The following C12orf50 variants were observed in gnomAD, a reference collection of about 807,000 sequenced individuals.
C12orf50 encodes uncharacterized protein C12orf50.
A neutral mutation model predicts 61.6 loss-of-function variants in C12orf50; 35 were observed. The observed-to-expected ratio is 0.57, with a 90% confidence interval of 0.43 to 0.75. The LOEUF is 0.75. C12orf50 is among the 30% of genes least tolerant of loss of function. The pLI is 0.00. For missense variants in C12orf50, 475 were observed against 488.5 expected (o/e 0.97, Z 0.26); for synonymous variants, 178 against 161.5 (o/e 1.10, Z -0.77).
intron 3 of C12orf50, 150 bp downstream of exon 3, chr12:88,026,338 T>C: frequency 1.2e-6 from 1 of 852,966 alleles, no homozygotes; most frequent in East Asian, 2.8e-5. Flanking sequence ...AAGCTTTCTC[T>C]TGTCTCATGT....
At chr12:87,994,159 C>A (rs910358257) in intron 7 of C12orf50, among the ~76,000 whole-genome samples, 2 of 151,938 alleles carry the variant, frequency 1.3e-5, no homozygotes, top group East Asian at 3.9e-4. Flanking sequence ...GAGATCGCAC[C>A]ACTGCACTCC....
At chr12:88,027,395 C>A (rs1305446049) in intron 1 of C12orf50, among the ~76,000 whole-genome samples, 1 of 152,134 alleles carries the variant, frequency 6.6e-6, no homozygotes, top group Non-Finnish European at 1.5e-5. Context: ...AATTCAATGA[C>A]AGAACAACTT....
chr12:88,006,524 G>A (rs10858680), intron 3 of C12orf50, among the ~76,000 whole-genome samples: 25,165 of 152,128 alleles, frequency 0.17, 3,471 homozygotes, highest in African/African-American at 0.38. Flanking sequence ...TTTTAAAATT[G>A]GGGCACAAAG....
chr12:88,018,513 C>A (rs1382983607), intron 3 of C12orf50, among the ~76,000 whole-genome samples: 1 of 152,198 alleles, frequency 6.6e-6, no homozygotes. Flanking sequence ...TACACAAAGT[C>A]CCTACTGGAG....
rs557469013 is a variant in C12orf50, at chr12:88,006,790, G to A, written c.134-8600C>T. ...TTTCTCCCCCCAGAAAGGTACTATA[G>A]TTCTTGACTGGAAGCTGGACGTAGA... On this transcript the variant is annotated intron_variant, in intron 3 of 12. Coordinates refer to ENST00000298699, the MANE Select transcript of C12orf50 (RefSeq NM_152589.3). 2.4e-3 allele frequency among the ~76,000 whole-genome samples: 360 copies of A among 152,316 alleles called. 1 individual carries two copies. Among genetic ancestry groups the A allele is most frequent in the Non-Finnish European group, 4.4e-3 (297 of 68,024 alleles).
rs189844865 is a variant in C12orf50 at position 88,003,776 on chromosome 12, C to G, written c.134-5586G>C. On this transcript the variant is annotated intron_variant, in intron 3 of 12. Coordinates refer to ENST00000298699, the MANE Select transcript of C12orf50 (RefSeq NM_152589.3). ...ATTTATCTTTTTTCATATGATGTGT[C>G]TGGCTGCAGGTATATTTGTGTATAT... Among the ~76,000 whole-genome samples the G allele has an allele frequency of 2.3e-3, 344 of 152,100 alleles. 2 individuals are homozygous for G. The highest frequency in any genetic ancestry group is 3.6e-3 in the Non-Finnish European group (244 of 67,930).
chr12:88,014,500 C>T lies in C12orf50; in HGVS notation c.133+11988G>A, dbSNP rs1457798953. On this transcript the variant is annotated intron_variant, in intron 3 of 12. Transcript: ENST00000298699. ...TATTTTTAGTAGAGACGGGTTTCACCGTATGAGCCAGGATGGTCTCGATCT... is the reference window on the plus strand; with the variant it reads ...TATTTTTAGTAGAGACGGGTTTCACTGTATGAGCCAGGATGGTCTCGATCT... Among the ~76,000 whole-genome samples the T allele has an allele frequency of 4.6e-5, 7 of 152,174 alleles. No individual in the cohort carries two copies. The South Asian group carries it at 8.3e-4, about 18-fold the overall frequency.
At position 87,996,596 on chromosome 12, in the gene C12orf50, C is replaced by T. The variant is rs1268285762; in HGVS notation, c.340G>A (p.Ala114Thr). 6.2e-7 allele frequency: 1 copy of T among 1,609,692 alleles called. No homozygotes were observed. Among genetic ancestry groups the T allele is most frequent in the African/African-American group, 1.3e-5 (1 of 74,902 alleles). ...GATTTATAACACATCTCCTTTATTG[C>T]TCTTTTTTCTTCAATTTCTTCAGGG... ...KTPEEIEEKRAIKEMCYKSGE... is the reference protein window; with the variant it reads ...KTPEEIEEKRTIKEMCYKSGE... The change falls in exon 5 of 13, where the codon GCA becomes ACA. Residue 114 changes from alanine (A) to threonine (T), a missense_variant. Physicochemically the swap from Ala to Thr is moderately conservative, Grantham distance 58. Transcript: ENST00000298699.
At chr12:87,982,100 C>T (rs2030509423) in intron 12 of C12orf50, among the ~76,000 whole-genome samples, 1 of 151,888 alleles carries the variant, frequency 6.6e-6, no homozygotes, top group East Asian at 1.9e-4. Flanking sequence ...GGAGCACATC[C>T]CTTAATACTC....
At chr12:87,988,049 T>C in intron 8 of C12orf50, 83 bp from the exon 9 acceptor site, 1 of 770,648 alleles carries the variant, frequency 1.3e-6, no homozygotes, top group Non-Finnish European at 2.1e-6. Flanking sequence ...TATTCAAACA[T>C]TACATAATGG....
At chr12:88,015,770 A>T (rs1363309718) in intron 3 of C12orf50, among the ~76,000 whole-genome samples, 1 of 152,172 alleles carries the variant, frequency 6.6e-6, no homozygotes. Flanking sequence ...ATTTGCTTTT[A>T]AACTTAGAAA....
intron 3 of C12orf50, among the ~76,000 whole-genome samples, chr12:88,009,951 A>G (rs796842503): frequency 6.6e-5 from 10 of 152,224 alleles, no homozygotes; most frequent in African/African-American, 2.2e-4. Context: ...GGCCTTTTAC[A>G]TTTTGATCAA....
intron 7 of C12orf50, among the ~76,000 whole-genome samples, chr12:87,992,437 G>A (rs2031170219): frequency 6.6e-6 from 1 of 151,862 alleles, no homozygotes; most frequent in Admixed American, 6.6e-5. Context: ...AGAGAGAAAT[G>A]CCCACGTTTG....
At chr12:88,012,546 C>T (rs2032152151) in intron 3 of C12orf50, among the ~76,000 whole-genome samples, 1 of 152,082 alleles carries the variant, frequency 6.6e-6, no homozygotes, top group Admixed American at 6.5e-5. Context: ...TTTTTCTTCC[C>T]TTTTCACTAA....
chr12:87,988,580 T>C (rs959616175), intron 8 of C12orf50, among the ~76,000 whole-genome samples: 2 of 152,194 alleles, frequency 1.3e-5, no homozygotes, highest in Non-Finnish European at 2.9e-5. Context: ...GGGGAAAACC[T>C]TTCCATCTCT....
At chr12:87,980,538 G>A (rs962095772) in intron 12 of C12orf50, among the ~76,000 whole-genome samples, 182 bp from the exon 13 acceptor site, 2 of 152,040 alleles carry the variant, frequency 1.3e-5, no homozygotes, top group Admixed American at 6.6e-5. Flanking sequence ...TTCTTACTAT[G>A]TTTTGCATTT....
chr12:88,016,695 G>A (rs1378811249), intron 3 of C12orf50, among the ~76,000 whole-genome samples: 1 of 152,166 alleles, frequency 6.6e-6, no homozygotes, highest in Non-Finnish European at 1.5e-5. Flanking sequence ...CTATGTGAGA[G>A]CCAGTACTAT....
At chr12:87,994,881 A>G in intron 6 of C12orf50, 138 bp from the exon 7 acceptor site, 1 of 580,882 alleles carries the variant, frequency 1.7e-6, no homozygotes, top group Non-Finnish European at 3.0e-6. Context: ...CTGATAAACA[A>G]TAAATTAATA....
rs147668962 is a variant in C12orf50, at chr12:88,023,283, G to A, written c.133+3205C>T. 6.9e-3 allele frequency among the ~76,000 whole-genome samples: 1,051 copies of A among 152,170 alleles called. 14 individuals carry two copies. The highest frequency in any genetic ancestry group is 0.024 in the African/African-American group (1,014 of 41,500). On this transcript the variant is annotated intron_variant, in intron 3 of 12. Coordinates refer to ENST00000298699, the MANE Select transcript of C12orf50 (RefSeq NM_152589.3). ...GAGGACTCCCCTTTCAATAAATGAT[G>A]CTGGAATAACTGGCTTGCCATATGT...
Sources: allele counts gnomAD v4.1 joint callset (sites outside exome capture counted in the v4.1 genomes callset), GRCh38; gene constraint gnomAD v4.1.1; transcripts MANE v1.5; gene names NCBI Gene and HGNC (gene_info 2026-07-23, HGNC 2026-07-21).